The following KANK2 variants were observed in gnomAD, a reference collection of about 807,000 sequenced individuals.
KANK2 encodes KN motif and ankyrin repeat domain-containing protein 2.
In KANK2, 41 loss-of-function variants were observed where a neutral mutation model predicts 74.6. That is an observed-to-expected ratio of 0.55 (90% CI 0.43 to 0.71). The LOEUF (loss-of-function observed/expected upper bound fraction) is 0.71, where lower values mean the gene tolerates loss of function less well. KANK2 is among the 30% of genes least tolerant of loss of function. The pLI, the probability that KANK2 is intolerant of heterozygous loss-of-function variation, is 0.00. For missense variants in KANK2, 1,148 were observed against 1,196.4 expected, an observed-to-expected ratio of 0.96 and a Z score of 0.60; for synonymous variants, 537 against 519.0, an observed-to-expected ratio of 1.03 and a Z score of -0.47.
chr19:11,166,657 T>A (rs375647406), intron 12 of KANK2, 46 bp from the exon 13 acceptor site: 41 of 1,590,598 alleles, frequency 2.6e-5, no homozygotes, highest in Non-Finnish European at 3.2e-5. Flanking sequence ...TCCTTTCCAA[T>A]CCCCCGAGGC....
rs753702354 is a variant in KANK2, at chr19:11,176,820, G to A, written c.1521-3C>T. 4 of 1,505,294 alleles carry A rather than the reference G, an allele frequency of 2.7e-6. No individual in the cohort carries two copies. In the South Asian group the frequency reaches 5.4e-5, roughly 20 times the overall value. The allele number at this position is 1,505,294 out of a possible 1,614,324, so 93.2% of individuals were successfully genotyped here. Reference sequence around the variant, plus strand: ...AGTCCTCGGATGACGACTCATACCTGGGGAGGAACGAGCGGGGAGGGGGAG... The same window carrying A: ...AGTCCTCGGATGACGACTCATACCTAGGGAGGAACGAGCGGGGAGGGGGAG... On this transcript the variant is annotated splice_region_variant and splice_polypyrimidine_tract_variant and intron_variant, in intron 6 of 12. Coordinates refer to ENST00000586659, the MANE Select transcript of KANK2 (RefSeq NM_001136191.3).
chr19:11,186,832 C>T lies in KANK2; in HGVS notation c.1249+5999G>A, dbSNP rs187043594. ...ACAGCCTTTTTTGGAAAGGATCAGACAGGACTTGGAGTGAAGTTGCAAATC... is the reference window on the plus strand; with the variant it reads ...ACAGCCTTTTTTGGAAAGGATCAGATAGGACTTGGAGTGAAGTTGCAAATC... On this transcript the variant is annotated intron_variant, in intron 4 of 12. Transcript: ENST00000586659. Among the ~76,000 whole-genome samples the T allele has an allele frequency of 1.8e-3, 273 of 152,294 alleles. 2 individuals carry two copies. The highest frequency in any genetic ancestry group is 6.4e-3 in the African/African-American group (266 of 41,576).
chr19:11,168,883 A>G (rs1300207053), intron 12 of KANK2, among the ~76,000 whole-genome samples: 1 of 152,178 alleles, frequency 6.6e-6, no homozygotes, highest in African/African-American at 2.4e-5. Flanking sequence ...CGTGAACCCC[A>G]TGCACAATCA....
intron 4 of KANK2, among the ~76,000 whole-genome samples, chr19:11,188,705 TG>T (rs2078749103): frequency 6.6e-6 from 1 of 150,588 alleles, no homozygotes; most frequent in Non-Finnish European, 1.5e-5. Context: ...CCTTGGAGGG[TG>T]GGTGCCGTGG....
At chr19:11,181,143 G>C (rs1265716006) in intron 4 of KANK2, among the ~76,000 whole-genome samples, 2 of 150,000 alleles carry the variant, frequency 1.3e-5, no homozygotes, top group African/African-American at 2.5e-5. Context: ...AAATGAGGTG[G>C]AGCAATATTA....
chr19:11,176,055 C>T (rs1371295562), intron 7 of KANK2, 66 bp from the exon 8 acceptor site: 2 of 1,230,302 alleles, frequency 1.6e-6, no homozygotes, highest in Non-Finnish European at 2.4e-6. Flanking sequence ...AGGGACTTGA[C>T]ATTCTGCACC....
At chr19:11,186,312 T>C (rs908536554) in intron 4 of KANK2, among the ~76,000 whole-genome samples, 1 of 150,660 alleles carries the variant, frequency 6.6e-6, no homozygotes, top group African/African-American at 2.4e-5. Flanking sequence ...CGCTTGAACC[T>C]GGGAGGCGGA....
At chr19:11,192,310 C>T (rs2078867775) in intron 4 of KANK2, 1 of 163,644 alleles carries the variant, frequency 6.1e-6, no homozygotes, top group African/African-American at 2.4e-5. Context: ...TGCATGGTTG[C>T]TACAGCCCTG....
intron 6 of KANK2, 46 bp downstream of exon 6, chr19:11,178,299 G>A (rs1434005678): frequency 9.5e-7 from 1 of 1,056,020 alleles, no homozygotes; most frequent in South Asian, 1.9e-5. Context: ...ATGAATGGAG[G>A]AGGGGCGGGA....
At chr19:11,190,874 G>A (rs968811588) in intron 4 of KANK2, among the ~76,000 whole-genome samples, 3 of 151,802 alleles carry the variant, frequency 2.0e-5, no homozygotes, top group Admixed American at 6.6e-5. Context: ...GGGATTACAG[G>A]TGCCGGCCAC....
At chr19:11,188,371 G>A (rs1337059940) in intron 4 of KANK2, among the ~76,000 whole-genome samples, 1 of 150,986 alleles carries the variant, frequency 6.6e-6, no homozygotes, top group Non-Finnish European at 1.5e-5. Context: ...ACCACACCTG[G>A]CTAATTTTTG....
At chr19:11,188,984 CA>C (rs35435362) in intron 4 of KANK2, among the ~76,000 whole-genome samples, 2,222 of 113,732 alleles carry the variant, frequency 0.02, 32 homozygotes, top group East Asian at 0.086. Context: ...GACTCCATCT[CA>C]AAAAAAAAAA....
At chr19:11,168,202 C>T (rs1220074756) in intron 12 of KANK2, among the ~76,000 whole-genome samples, 5 of 151,886 alleles carry the variant, frequency 3.3e-5, no homozygotes. Flanking sequence ...TGGAGTTTCA[C>T]CATGTTGGCC....
In KANK2 at chr19:11,175,893, A is replaced by T. The variant is rs772275511; in HGVS notation, c.1848+9T>A. The T allele has an allele frequency of 2.4e-5, 39 of 1,612,042 alleles. No individual in the cohort carries two copies. Among genetic ancestry groups the T allele is most frequent in the Admixed American group, 1.8e-4 (11 of 59,886 alleles). ...GGGTGGCCAACCTAGGCCCAGGGCCAGATCGTACCAGCTCCCGCTCTGTGA... is the reference window on the plus strand; with the variant it reads ...GGGTGGCCAACCTAGGCCCAGGGCCTGATCGTACCAGCTCCCGCTCTGTGA... On this transcript the variant is annotated intron_variant, in intron 8 of 12. Coordinates refer to ENST00000586659, the MANE Select transcript of KANK2 (RefSeq NM_001136191.3).
rs1223547409 is a variant in KANK2, at chr19:11,192,962, G to C, written c.1118C>G (p.Pro373Arg). ...GLRALAMPGR[P>R]ESPPVFRSQE... ...GCTGCGGAACACAGGTGGGCTCTCAGGCCTACCAGGCATTGCCAGGGCCCT... is the reference window on the plus strand; with the variant it reads ...GCTGCGGAACACAGGTGGGCTCTCACGCCTACCAGGCATTGCCAGGGCCCT... The change falls in exon 4 of 13, where the codon CCT becomes CGT. Residue 373 changes from proline to arginine, a missense_variant. Coordinates refer to ENST00000586659, the MANE Select transcript of KANK2 (RefSeq NM_001136191.3). 6.2e-6 allele frequency: 10 copies of C among 1,614,038 alleles called. No individual in the cohort carries two copies. In the African/African-American group the frequency reaches 1.2e-4, roughly 19 times the overall value.
intron 4 of KANK2, 22 bp downstream of exon 4, chr19:11,192,809 C>T: frequency 6.2e-7 from 1 of 1,602,798 alleles, no homozygotes; most frequent in South Asian, 1.1e-5. Flanking sequence ...CCATTCTCCC[C>T]TGCCTGCCTG....
chr19:11,175,158 G>A (rs1462607959), intron 8 of KANK2, among the ~76,000 whole-genome samples: 1 of 151,792 alleles, frequency 6.6e-6, no homozygotes. Context: ...TGAGTGCAGT[G>A]GTTCACGCCT....
chr19:11,191,619 T>G (rs1438114003), intron 4 of KANK2, among the ~76,000 whole-genome samples: 2 of 152,256 alleles, frequency 1.3e-5, no homozygotes, highest in Non-Finnish European at 2.9e-5. Flanking sequence ...TTTTTACTGG[T>G]GCTCTTTGGA....
chr19:11,189,467 G>T (rs1350309351), intron 4 of KANK2, among the ~76,000 whole-genome samples: 2 of 151,772 alleles, frequency 1.3e-5, no homozygotes, highest in African/African-American at 2.4e-5. Context: ...AGTCAGTCAT[G>T]GTGGTGCATG....
Sources: gnomAD v4.1 joint callset for allele counts (sites outside exome capture counted in the v4.1 genomes callset) on GRCh38, gnomAD v4.1.1 for gene constraint, MANE v1.5 for transcripts, NCBI Gene and HGNC (gene_info 2026-07-23, HGNC 2026-07-21) for gene names.